The following GPATCH8 variants were observed in gnomAD, a reference collection of about 807,000 sequenced individuals.
GPATCH8 encodes the protein G-patch domain containing 8, also known as G patch domain-containing protein 8.
Under a neutral mutation model 118.3 loss-of-function variants are expected in GPATCH8, and 18 were observed. The observed-to-expected ratio is 0.15, with a 90% CI of 0.11 to 0.23. The LOEUF is 0.23. GPATCH8 is among the 10% of genes least tolerant of loss of function. GPATCH8 has a pLI of 1.00. For missense variants in GPATCH8, 1,631 were observed against 1,873.8 expected, an observed-to-expected ratio of 0.87 and a Z score of 2.39; for synonymous variants, 659 against 684.7, an observed-to-expected ratio of 0.96 and a Z score of 0.59.
Position 44,395,691 on chromosome 17 carries a change from A to G in GPATCH8, c.*1877T>C, listed in dbSNP as rs1360546302. 4 of 454,032 alleles carry G rather than the reference A, an allele frequency of 8.8e-6. No individual in the cohort carries two copies. Among genetic ancestry groups the G allele is most frequent in the African/African-American group, 8.0e-5 (4 of 50,020 alleles). 28.1% of individuals were successfully genotyped at this position (454,032 alleles called of 1,614,324 possible). ...CAGTCAAGAGTTGTGTTTGCCTGCC[A>G]CTTTCTTTTCATAAACTTTACTCTT... On this transcript the variant is annotated 3_prime_UTR_variant, in exon 8 of 8. Coordinates refer to ENST00000591680, the MANE Select transcript of GPATCH8 (RefSeq NM_001002909.4).
intron 3 of GPATCH8, among the ~76,000 whole-genome samples, chr17:44,452,346 T>A (rs936590234): frequency 6.6e-6 from 1 of 151,530 alleles, no homozygotes; most frequent in Non-Finnish European, 1.5e-5. Flanking sequence ...AAAATGCTCT[T>A]TGGGTAAAAT....
chr17:44,397,059 C>G lies in GPATCH8; in HGVS notation c.*509G>C, dbSNP rs1266737496. ...CTCACCTGGGATAACGTAACGTCACCAAAGATGGTCAAAGATACTACCCCA... is the reference window on the plus strand; with the variant it reads ...CTCACCTGGGATAACGTAACGTCACGAAAGATGGTCAAAGATACTACCCCA... On this transcript the variant is annotated 3_prime_UTR_variant, in exon 8 of 8. Coordinates refer to ENST00000591680, the MANE Select transcript of GPATCH8 (RefSeq NM_001002909.4). The G allele has an allele frequency of 2.2e-6, 1 of 454,040 alleles. No individual in the cohort carries two copies. Among genetic ancestry groups the G allele is most frequent in the Non-Finnish European group, 4.4e-6 (1 of 226,894 alleles). 28.1% of individuals were successfully genotyped at this position (454,040 alleles called of 1,614,324 possible). A position where few individuals can be genotyped will look rare whatever the true frequency, so the allele number is the denominator to read the frequency against.
intron 1 of GPATCH8, among the ~76,000 whole-genome samples, chr17:44,492,349 G>A (rs1010349253): frequency 1.4e-5 from 2 of 148,082 alleles, no homozygotes; most frequent in Non-Finnish European, 3.0e-5. Flanking sequence ...AGGCCGAGGC[G>A]GGAGGATCAC....
In GPATCH8 at chr17:44,400,221, C is replaced by T. The variant is rs1184821983; in HGVS notation, c.1856G>A (p.Gly619Glu). Residue 619 changes from glycine (G) to glutamate (E), a missense_variant, in exon 8 of 8, where the codon GGA becomes GAA. Physicochemically the swap from Gly to Glu is moderately conservative, Grantham distance 98. Around this residue, in one of 8 missense-constraint regions of GPATCH8, gnomAD observed 922 missense variants for 879.7 expected, o/e 1.05. Transcript: ENST00000591680. ...TCCTGAGGAACGTACTATTTTCTCTCCGCCCACTTCCTTGCTTTTATTTGG... is the reference window on the plus strand; with the variant it reads ...TCCTGAGGAACGTACTATTTTCTCTTCGCCCACTTCCTTGCTTTTATTTGG... ...GEPNKSKEVG[G>E]EKIVRSSGGR... 6.2e-7 allele frequency: 1 copy of T among 1,614,130 alleles called. No homozygotes were observed. Among genetic ancestry groups the T allele is most frequent in the South Asian group, 1.1e-5 (1 of 91,084 alleles).
intron 7 of GPATCH8, among the ~76,000 whole-genome samples, chr17:44,402,576 G>A (rs989625132): frequency 4.6e-5 from 7 of 152,030 alleles, no homozygotes; most frequent in Non-Finnish European, 1.0e-4. Context: ...TCGAGGCCAG[G>A]AGATCAAGAC....
In GPATCH8 at chr17:44,396,341, G is replaced by A. The variant is rs544150537; in HGVS notation, c.*1227C>T. Reference sequence around the variant, plus strand: ...TGTTTCTCTGTGTAAAACAGCAAAAGTACATGAGGGAGACTGTTAAAGATG... The same window carrying A: ...TGTTTCTCTGTGTAAAACAGCAAAAATACATGAGGGAGACTGTTAAAGATG... On this transcript the variant is annotated 3_prime_UTR_variant, in exon 8 of 8. Coordinates refer to ENST00000591680, the MANE Select transcript of GPATCH8 (RefSeq NM_001002909.4). The A allele has an allele frequency of 6.6e-6, 3 of 454,442 alleles. No individual in the cohort carries two copies. The highest frequency in any genetic ancestry group is 6.0e-5 in the African/African-American group (3 of 50,078). 28.2% of individuals were successfully genotyped at this position (454,442 alleles called of 1,614,324 possible). A position where few individuals can be genotyped will look rare whatever the true frequency, so the allele number is the denominator to read the frequency against.
chr17:44,435,619 G>A (rs1310825579), intron 4 of GPATCH8, among the ~76,000 whole-genome samples: 1 of 149,408 alleles, frequency 6.7e-6, no homozygotes, highest in East Asian at 2.0e-4. Flanking sequence ...GTTTCATCAT[G>A]TTGGCCAGGC....
intron 6 of GPATCH8, chr17:44,408,949 C>T (rs957893770): frequency 6.6e-6 from 1 of 152,180 alleles, no homozygotes; most frequent in African/African-American, 2.4e-5. Flanking sequence ...GAATTGAGAA[C>T]CCCAGAATTC....
At chr17:44,484,075 C>T (rs1208894696) in intron 1 of GPATCH8, among the ~76,000 whole-genome samples, 3 of 152,166 alleles carry the variant, frequency 2.0e-5, no homozygotes, top group African/African-American at 7.2e-5. Context: ...CTCCTGACTT[C>T]GTGATCCGCC....
intron 3 of GPATCH8, among the ~76,000 whole-genome samples, chr17:44,461,726 C>T (rs2051557531): frequency 1.3e-5 from 2 of 151,980 alleles, no homozygotes; most frequent in Non-Finnish European, 2.9e-5. Flanking sequence ...CAGAGTCTCA[C>T]TCTGTCACCC....
At chr17:44,422,472 G>A (rs1341296280) in intron 6 of GPATCH8, among the ~76,000 whole-genome samples, 5 of 151,650 alleles carry the variant, frequency 3.3e-5, no homozygotes, top group South Asian at 4.2e-4. Flanking sequence ...TTACAGGTGC[G>A]AGCCACCGTG....
In GPATCH8 at chr17:44,400,670, G is replaced by A. The variant is rs780523248; in HGVS notation, c.1407C>T (p.Ser469=). The change falls in exon 8 of 8, where the codon AGC becomes AGT. Residue 469 remains serine, a synonymous_variant. Transcript: ENST00000591680. ...SEVSEQPKET[S]MTEPSEPGSK... ...TTCCTGGTTCTGAGGGCTCGGTCATGCTGGTTTCCTTCGGCTGCTCAGAGA... is the reference window on the plus strand; with the variant it reads ...TTCCTGGTTCTGAGGGCTCGGTCATACTGGTTTCCTTCGGCTGCTCAGAGA... 5.6e-6 allele frequency: 9 copies of A among 1,612,062 alleles called. No individual in the cohort carries two copies. The South Asian group carries it at 9.9e-5, about 18-fold the overall frequency.
At chr17:44,481,411 A>G (rs1476470619) in intron 1 of GPATCH8, among the ~76,000 whole-genome samples, 1 of 152,258 alleles carries the variant, frequency 6.6e-6, no homozygotes, top group Non-Finnish European at 1.5e-5. Flanking sequence ...CAAATTATTC[A>G]TACAAGTAGT....
chr17:44,434,497 A>G (rs1044889602), intron 5 of GPATCH8, among the ~76,000 whole-genome samples: 3 of 152,226 alleles, frequency 2.0e-5, no homozygotes, highest in Admixed American at 2.0e-4. Context: ...TGAGGCAAGG[A>G]GTTCAAGACC....
chr17:44,437,973 T>C (rs1187760171), intron 3 of GPATCH8, among the ~76,000 whole-genome samples: 1 of 148,632 alleles, frequency 6.7e-6, no homozygotes, highest in African/African-American at 2.5e-5. Flanking sequence ...AACAACAACT[T>C]CTAGAATACA....
At chr17:44,432,364 G>C (rs927316058) in intron 5 of GPATCH8, among the ~76,000 whole-genome samples, 1 of 151,996 alleles carries the variant, frequency 6.6e-6, no homozygotes, top group Admixed American at 6.6e-5. Flanking sequence ...AAAAACATAC[G>C]GGAAGGCAGA....
intron 1 of GPATCH8, among the ~76,000 whole-genome samples, chr17:44,483,133 C>T (rs1425023630): frequency 2.5e-5 from 2 of 79,008 alleles, no homozygotes; most frequent in African/African-American, 5.2e-5. Context: ...TCTGCCTGGG[C>T]GAAAGAGTGA....
In GPATCH8 at chr17:44,399,501, C is replaced by G. The variant is rs775882631; in HGVS notation, c.2576G>C (p.Arg859Pro). The G allele has an allele frequency of 8.7e-6, 14 of 1,614,058 alleles. No individual in the cohort carries two copies. Among genetic ancestry groups the G allele is most frequent in the Non-Finnish European group, 1.1e-5 (13 of 1,180,036 alleles). Residue 859 changes from arginine to proline, a missense_variant, in exon 8 of 8, where the codon CGC becomes CCC. By Grantham distance (103) the Arg-to-Pro change is moderately radical. This residue lies in a region of GPATCH8 where 922 missense variants were observed against 879.7 expected (regional missense o/e 1.05). Coordinates refer to ENST00000591680, the MANE Select transcript of GPATCH8 (RefSeq NM_001002909.4). The stretch of plus-strand genomic sequence containing the variant: ...CCGGGAGGAACGATGCGAGGAATGG[C>G]GCCGGCCAGACCTTGAGCGGCTGCG... ...HSRSRSRSGR[R>P]HSSHRSSRRS... is the part of the protein sequence containing the mutation.
intron 1 of GPATCH8, among the ~76,000 whole-genome samples, chr17:44,478,708 C>T (rs1967970189): frequency 6.6e-6 from 1 of 152,032 alleles, no homozygotes. Flanking sequence ...CTCATCCTAA[C>T]AATAACTATG....
Sources: gnomAD v4.1 joint callset for allele counts (sites outside exome capture counted in the v4.1 genomes callset) on GRCh38, gnomAD v4.1.1 for gene constraint, gnomAD v4.1.1 regional missense constraint, MANE v1.5 for transcripts, NCBI Gene and HGNC (gene_info 2026-07-23, HGNC 2026-07-21) for gene names.